NIBAN2: variants seen among roughly 807,000 people sequenced by gnomAD.
The protein encoded by NIBAN2 is niban apoptosis regulator 2.
Under a neutral mutation model 81.8 loss-of-function variants are expected in NIBAN2, and 36 were observed. That is an observed-to-expected ratio of 0.44 (90% confidence interval 0.34 to 0.58). The LOEUF is 0.58. NIBAN2 is among the 20% of genes least tolerant of loss of function. The pLI is 0.02. For missense variants in NIBAN2, 897 were observed against 1,014.1 expected (o/e 0.88, Z 1.57); for synonymous variants, 445 against 441.6 (o/e 1.01, Z -0.10).
At position 127,507,030 on chromosome 9, in the gene NIBAN2, C is replaced by T. The variant is rs1314752944; in HGVS notation, c.2056G>A (p.Ala686Thr). Reference protein sequence around the residue: ...APAGESPQPKAAPEASSPPAS... With the variant: ...APAGESPQPKTAPEASSPPAS... ...GGCGGCGAGGAGGCCTCGGGGGCGG[C>T]CTTAGGCTGGGGACTCTCCCCAGCG... The change falls in exon 14 of 14, where the codon GCC becomes ACC. Residue 686 changes from alanine (A) to threonine (T), a missense_variant. Physicochemically the swap from Ala to Thr is moderately conservative, Grantham distance 58. This residue lies in a region of NIBAN2 where 619 missense variants were observed against 691.0 expected (regional missense o/e 0.90). Coordinates refer to ENST00000373312, the MANE Select transcript of NIBAN2 (RefSeq NM_022833.4). The surrounding 1 kb of genome is among the most constrained non-coding windows in gnomAD (Gnocchi z 6.8). 2 of 1,590,052 alleles carry T rather than the reference C, an allele frequency of 1.3e-6. No homozygotes were observed. The highest frequency in any genetic ancestry group is 1.3e-5 in the African/African-American group (1 of 74,402).
chr9:127,574,336 A>G (rs1169167087), intron 1 of NIBAN2, among the ~76,000 whole-genome samples: 1 of 152,120 alleles, frequency 6.6e-6, no homozygotes, highest in South Asian at 2.1e-4. Flanking sequence ...GCTTCTGCCC[A>G]CTGCCTCCCT....
At chr9:127,552,603 T>C (rs1837596207) in intron 1 of NIBAN2, among the ~76,000 whole-genome samples, 1 of 145,938 alleles carries the variant, frequency 6.9e-6, no homozygotes, top group South Asian at 2.2e-4. Context: ...AAAAGAAAAA[T>C]AGAAAAAGCC....
Position 127,507,458 on chromosome 9 carries a change from GAC to G in NIBAN2, c.1655-29_1655-28del. 1 of 1,472,442 alleles carries G rather than the reference GAC, an allele frequency of 6.8e-7. No homozygotes were observed. The highest frequency in any genetic ancestry group is 2.6e-5 in the Admixed American group (1 of 38,560). The allele number at this position is 1,472,442 out of a possible 1,614,324, so 91.2% of individuals were successfully genotyped here. The stretch of plus-strand genomic sequence containing the variant: ...TACAGGGCCACAGGGGAAGGGTCAG[GAC>G]ACAGCACTGATCCCACAGCCGCCCC... On this transcript the variant is annotated intron_variant, in intron 13 of 13. Transcript: ENST00000373312. The surrounding 1 kb of genome is among the most constrained non-coding windows in gnomAD (Gnocchi z 6.8).
At chr9:127,511,622 T>C (rs903427436) in intron 8 of NIBAN2, among the ~76,000 whole-genome samples, 2 of 152,224 alleles carry the variant, frequency 1.3e-5, no homozygotes, top group African/African-American at 4.8e-5. Flanking sequence ...GATTGGACTC[T>C]GATCTTTCTG....
At chr9:127,542,720 A>AGTTTTGTTTT (rs764943163) in intron 1 of NIBAN2, among the ~76,000 whole-genome samples, 1 of 151,964 alleles carries the variant, frequency 6.6e-6, no homozygotes, top group African/African-American at 2.4e-5. Flanking sequence ...CCCTGAGGCC[A>AGTTTTGTTTT]GTTTTGTTTT....
chr9:127,526,428 A>T (rs1837066565), intron 3 of NIBAN2, among the ~76,000 whole-genome samples: 1 of 150,392 alleles, frequency 6.6e-6, no homozygotes, highest in South Asian at 2.1e-4. Context: ...AAAAAAAAAG[A>T]GATGCAAATC....
At chr9:127,577,797 C>T (rs1198507840) in intron 1 of NIBAN2, among the ~76,000 whole-genome samples, 1 of 152,130 alleles carries the variant, frequency 6.6e-6, no homozygotes, top group Admixed American at 6.6e-5. Flanking sequence ...CTTGCTGCAG[C>T]CTCAAACTCC....
chr9:127,567,866 C>G (rs1482266909), intron 1 of NIBAN2, among the ~76,000 whole-genome samples: 2 of 152,114 alleles, frequency 1.3e-5, no homozygotes, highest in Non-Finnish European at 2.9e-5. Flanking sequence ...GACCCCATTT[C>G]AAAAAGGAGA....
chr9:127,509,797 T>TCTCC (rs751888770), intron 9 of NIBAN2: 64 of 65,046 alleles, frequency 9.8e-4, no homozygotes, highest in African/African-American at 3.6e-3. Flanking sequence ...CCTCCTTCCC[T>TCTCC]CCTCTCCTTC....
intron 1 of NIBAN2, among the ~76,000 whole-genome samples, chr9:127,567,695 C>T (rs180798076): frequency 7.2e-5 from 11 of 152,276 alleles, no homozygotes; most frequent in Admixed American, 5.2e-4. Flanking sequence ...TAAGTGCAGG[C>T]GGACGCGGTG....
rs1837903921 is a variant in NIBAN2 at position 127,568,808 on chromosome 9, C to T, written c.55+12G>A. ...AGGCCCCTGGGCGCGCGTGGCGCGG[C>T]GCGACCCTCACCTGCGATGTGCTGG... On this transcript the variant is annotated intron_variant, in intron 1 of 13. Coordinates refer to ENST00000373312, the MANE Select transcript of NIBAN2 (RefSeq NM_022833.4). 2.3e-6 allele frequency: 3 copies of T among 1,325,900 alleles called. No individual in the cohort carries two copies. The highest frequency in any genetic ancestry group is 3.3e-5 in the Admixed American group (1 of 29,948). 82.1% of individuals were successfully genotyped at this position (1,325,900 alleles called of 1,614,324 possible).
intron 8 of NIBAN2, among the ~76,000 whole-genome samples, chr9:127,516,260 G>A (rs2255132): frequency 0.47 from 71,870 of 152,078 alleles, 18,719 homozygotes; most frequent in Middle Eastern, 0.61. Context: ...AGAGAAAGGC[G>A]TACAGTCTGG....
intron 1 of NIBAN2, among the ~76,000 whole-genome samples, chr9:127,542,886 C>G (rs1055436520): frequency 1.3e-5 from 2 of 152,202 alleles, no homozygotes; most frequent in African/African-American, 4.8e-5. Context: ...TCACACCTGG[C>G]TAATTTTTTG....
In NIBAN2 at chr9:127,506,799, G is replaced by C. The variant is rs1283860525; in HGVS notation, c.*46C>G. On this transcript the variant is annotated 3_prime_UTR_variant, in exon 14 of 14. Transcript: ENST00000373312. The stretch of plus-strand genomic sequence containing the variant: ...CCAGAGCTGAGCCTGCCTGGGTCCG[G>C]AAGGGAACGGCCTGTGCCATGTGCA... The C allele has an allele frequency of 5.3e-6, 8 of 1,516,990 alleles. No individual in the cohort carries two copies. In the African/African-American group the frequency reaches 8.3e-5, roughly 16 times the overall value. 94.0% of individuals were successfully genotyped at this position (1,516,990 alleles called of 1,614,324 possible).
intron 1 of NIBAN2, among the ~76,000 whole-genome samples, chr9:127,551,931 C>G (rs976871205): frequency 6.6e-6 from 1 of 152,186 alleles, no homozygotes; most frequent in African/African-American, 2.4e-5. Context: ...GAGAGGTCCC[C>G]TCCCATGAGC....
At chr9:127,546,700 GC>G (rs1277152254) in intron 1 of NIBAN2, among the ~76,000 whole-genome samples, 7 of 152,288 alleles carry the variant, frequency 4.6e-5, no homozygotes, top group African/African-American at 1.7e-4. Context: ...CCAAGTTCAG[GC>G]GAGGCTCTGA....
chr9:127,564,034 T>C (rs1837817055), intron 1 of NIBAN2, among the ~76,000 whole-genome samples: 1 of 152,072 alleles, frequency 6.6e-6, no homozygotes, highest in Admixed American at 6.5e-5. Flanking sequence ...GGCTCACGCC[T>C]ATAATCTCAG....
chr9:127,529,265 A>G (rs1271008838), intron 2 of NIBAN2, among the ~76,000 whole-genome samples: 1 of 152,230 alleles, frequency 6.6e-6, no homozygotes, highest in African/African-American at 2.4e-5. Context: ...CTCAATGTCT[A>G]CATCTGTGAT....
At chr9:127,576,180 G>A (rs555496290) in intron 1 of NIBAN2, among the ~76,000 whole-genome samples, 59 of 152,298 alleles carry the variant, frequency 3.9e-4, no homozygotes, top group African/African-American at 9.1e-4. Flanking sequence ...AGGGGAACGT[G>A]ACAGTGAGGG....
Sources: gnomAD v4.1 joint callset for allele counts (sites outside exome capture counted in the v4.1 genomes callset) on GRCh38, gnomAD v4.1.1 for gene constraint, gnomAD v4.1.1 regional missense constraint, Gnocchi (gnomAD v3.1) non-coding constraint, MANE v1.5 for transcripts, NCBI Gene and HGNC (gene_info 2026-07-23, HGNC 2026-07-21) for gene names.